AKT3: variants seen among roughly 807,000 people sequenced by gnomAD.
The protein encoded by AKT3 is AKT serine/threonine kinase 3.
A neutral mutation model predicts 65.3 loss-of-function variants in AKT3; 15 were observed. The ratio of observed to expected loss-of-function variants is 0.23; its 90% confidence interval spans 0.15 to 0.35. The LOEUF (loss-of-function observed/expected upper bound fraction) is 0.35, where lower values mean the gene tolerates loss of function less well. AKT3 is among the 10% of genes least tolerant of loss of function. The pLI is 1.00. For missense variants in AKT3, 243 were observed against 576.5 expected, an observed-to-expected ratio of 0.42 and a Z score of 5.92; for synonymous variants, 206 against 183.8, an observed-to-expected ratio of 1.12 and a Z score of -0.98.
rs1373283957 is a variant in AKT3, at chr1:243,585,292, T to C, written c.697-12244A>G. Among the ~76,000 whole-genome samples the C allele has an allele frequency of 2.6e-5, 4 of 151,658 alleles. 1 individual carries two copies. The East Asian group carries it at 7.7e-4, about 29-fold the overall frequency. On this transcript the variant is annotated intron_variant, in intron 8 of 13. Coordinates refer to ENST00000673466, the MANE Select transcript of AKT3 (RefSeq NM_005465.7). ...CAGGGACTGGAAGAATCAATATCAG[T>C]AAAATAGCCATATTTCCCTGCCCAA... is the stretch of plus-strand genomic sequence containing the variant.
intron 8 of AKT3, among the ~76,000 whole-genome samples, chr1:243,603,353 TCA>T (rs1677155662): frequency 6.6e-6 from 1 of 152,220 alleles, no homozygotes. Context: ...TGGACAATTC[TCA>T]GTTATCATTG....
chr1:243,798,413 T>G (rs1205596402), intron 2 of AKT3, among the ~76,000 whole-genome samples: 945 of 137,946 alleles, frequency 6.9e-3, no homozygotes, highest in Non-Finnish European at 0.012. Context: ...TTTTTTTTTT[T>G]TTTTGTTTTG....
intron 2 of AKT3, among the ~76,000 whole-genome samples, chr1:243,698,743 G>T (rs1473477973): frequency 6.6e-6 from 1 of 151,854 alleles, no homozygotes; most frequent in Non-Finnish European, 1.5e-5. Context: ...ATTTTAAATT[G>T]ATTTGGTTAA....
rs777878320 is a variant in AKT3 at position 243,489,498 on chromosome 1, T to C, written c.*7-1048A>G. 1.5e-3 allele frequency among the ~76,000 whole-genome samples: 222 copies of C among 152,308 alleles called. 3 individuals carry two copies. The highest frequency in any genetic ancestry group is 6.8e-3 in the Middle Eastern group (2 of 294). Reference sequence around the variant, plus strand: ...TTTTTGGAGGATGGTGGCCTTGAGCTGCCTCTGAAGGTCGTGTATGGTTTG... The same window carrying C: ...TTTTTGGAGGATGGTGGCCTTGAGCCGCCTCTGAAGGTCGTGTATGGTTTG... On this transcript the variant is annotated intron_variant, in intron 13 of 13. Transcript: ENST00000336199.
chr1:243,770,316 T>C lies in AKT3; in HGVS notation c.46+72809A>G, dbSNP rs1181336945. Among the ~76,000 whole-genome samples the C allele has an allele frequency of 6.6e-5, 10 of 152,186 alleles. No homozygotes were observed. The East Asian group carries it at 1.9e-3, about 29-fold the overall frequency. The stretch of plus-strand genomic sequence containing the variant: ...GGAAAAGCCTTAGAGGGCATTATCC[T>C]ATCCCATTATTTAATAAACAGGAAA... On this transcript the variant is annotated intron_variant, in intron 2 of 13. Transcript: ENST00000673466.
At chr1:243,667,940 G>A (rs542402268) in intron 3 of AKT3, among the ~76,000 whole-genome samples, 4 of 151,874 alleles carry the variant, frequency 2.6e-5, no homozygotes, top group Admixed American at 2.0e-4. Context: ...TCACACACCC[G>A]CACAGCTGCT....
At chr1:243,724,163 T>C (rs568191835) in intron 2 of AKT3, among the ~76,000 whole-genome samples, 1 of 150,724 alleles carries the variant, frequency 6.6e-6, no homozygotes, top group East Asian at 2.0e-4. Context: ...AAGACTGTCA[T>C]CCCTGCAGTC....
rs564725478 is a variant in AKT3 at position 243,810,218 on chromosome 1, A to G, written c.46+32907T>C. 2.0e-5 allele frequency among the ~76,000 whole-genome samples: 3 copies of G among 152,346 alleles called. No individual in the cohort carries two copies. The South Asian group carries it at 6.2e-4, about 32-fold the overall frequency. ...GATAGAGACATAAAAAACCCTTCAA[A>G]AAATCAGTGAATCCAGGAGATGGTT... is the stretch of plus-strand genomic sequence containing the variant. On this transcript the variant is annotated intron_variant, in intron 2 of 13. Coordinates refer to ENST00000673466, the MANE Select transcript of AKT3 (RefSeq NM_005465.7).
At chr1:243,691,483 C>T (rs1684687912) in intron 3 of AKT3, among the ~76,000 whole-genome samples, 2 of 151,972 alleles carry the variant, frequency 1.3e-5, no homozygotes, top group Non-Finnish European at 2.9e-5. Context: ...AACAGAGAAG[C>T]TAGTTAAGAA....
intron 6 of AKT3, among the ~76,000 whole-genome samples, chr1:243,636,187 G>T (rs1679956813): frequency 6.6e-6 from 1 of 151,944 alleles, no homozygotes; most frequent in African/African-American, 2.4e-5. Context: ...TACACAGTAG[G>T]TAGTAATAAT....
intron 3 of AKT3, among the ~76,000 whole-genome samples, chr1:243,689,156 G>A (rs374112534): frequency 4.6e-5 from 7 of 151,968 alleles, no homozygotes; most frequent in East Asian, 1.9e-4. Flanking sequence ...GTCTTCCATA[G>A]TCAATGACAA....
At chr1:243,794,502 C>T (rs755763708) in intron 2 of AKT3, 2 of 152,204 alleles carry the variant, frequency 1.3e-5, no homozygotes, top group African/African-American at 4.8e-5. Context: ...AACTACTTTA[C>T]AAACAAAATT....
intron 6 of AKT3, among the ~76,000 whole-genome samples, chr1:243,633,948 G>C (rs896303296): frequency 1.3e-5 from 2 of 152,022 alleles, no homozygotes; most frequent in Middle Eastern, 3.2e-3. Flanking sequence ...AAATATAGCA[G>C]TTCCCCTTAT....
chr1:243,552,009 G>C (rs1038295752), intron 11 of AKT3, among the ~76,000 whole-genome samples: 2 of 152,084 alleles, frequency 1.3e-5, no homozygotes, highest in Non-Finnish European at 2.9e-5. Flanking sequence ...GCAGTTAGAG[G>C]CCGGGTGCGG....
intron 2 of AKT3, among the ~76,000 whole-genome samples, chr1:243,753,044 C>G (rs1688905817): frequency 6.6e-6 from 1 of 152,196 alleles, no homozygotes; most frequent in Admixed American, 6.5e-5. Context: ...CATGCTTCCT[C>G]CATCATGTTA....
chr1:243,633,502 A>G (rs1412031999), intron 6 of AKT3, among the ~76,000 whole-genome samples: 1 of 152,160 alleles, frequency 6.6e-6, no homozygotes, highest in African/African-American at 2.4e-5. Context: ...AACAATTGAA[A>G]GGAGTAAGGA....
intron 2 of AKT3, among the ~76,000 whole-genome samples, chr1:243,747,837 G>T (rs1271473850): frequency 6.6e-6 from 1 of 152,096 alleles, no homozygotes; most frequent in Non-Finnish European, 1.5e-5. Context: ...TGCAAACATG[G>T]CTAAAAATTA....
chr1:243,508,360 C>T (rs935767957), intron 13 of AKT3, among the ~76,000 whole-genome samples: 17 of 152,238 alleles, frequency 1.1e-4, no homozygotes, highest in African/African-American at 2.7e-4. Context: ...CTGAGCGCTG[C>T]GCTCTGCTGA....
chr1:243,550,789 CAAAAAAAAA>C (rs60834632), intron 11 of AKT3, among the ~76,000 whole-genome samples: 6 of 33,692 alleles, frequency 1.8e-4, no homozygotes, highest in Admixed American at 5.6e-4. Context: ...ACTAAAATAC[CAAAAAAAAA>C]AAAAAAAAAA....
Sources: allele counts gnomAD v4.1 joint callset (sites outside exome capture counted in the v4.1 genomes callset), GRCh38; gene constraint gnomAD v4.1.1; transcripts MANE v1.5; gene names NCBI Gene and HGNC (gene_info 2026-07-23, HGNC 2026-07-21).